Variants in RTL5 observed in about 807,000 individuals in gnomAD.
RTL5 encodes retrotransposon Gag like 5, also known as retrotransposon Gag-like protein 5.
A neutral mutation model predicts 7.7 loss-of-function variants in RTL5; 8 were observed. That is an observed-to-expected ratio of 1.04 (90% CI 0.61 to 1.88). RTL5 has a LOEUF of 1.88. RTL5 is among the 40% of genes most tolerant of loss of function. RTL5 has a pLI of 0.00. For synonymous variants in RTL5, 188 were observed against 191.8 expected, an observed-to-expected ratio of 0.98 and a Z score of 0.16; for missense variants, 457 against 472.7, an observed-to-expected ratio of 0.97 and a Z score of 0.31.
In RTL5 at chrX:72,129,927, TA is replaced by T; in HGVS notation, c.1613del (p.Leu538Ter). The T allele has an allele frequency of 8.3e-7, 1 of 1,211,256 alleles. No individual in the cohort carries two copies. The highest frequency in any genetic ancestry group is 1.1e-6 in the Non-Finnish European group (1 of 895,070). Reference sequence around the variant, plus strand: ...GGCGTCTTCGAACTTGGCGTTGTCCTAAACGACCTGTGCGGCGAATCAGTTG... The same window carrying T: ...GGCGTCTTCGAACTTGGCGTTGTCCTAACGACCTGTGCGGCGAATCAGTTG... On this transcript the variant is annotated frameshift_variant, in exon 1 of 1. Transcript: ENST00000609883. LOFTEE classifies it high-confidence loss of function.
exon 1 of RTL5, chrX:72,130,574 G>T (rs756761561): frequency 8.3e-7 from 1 of 1,211,063 alleles, no homozygotes; most frequent in South Asian, 1.8e-5. Context: ...ATGATATTTC[G>T]AACTCCAGGG....
exon 1 of RTL5, chrX:72,130,824 C>T (rs1569482952): frequency 8.3e-7 from 1 of 1,211,570 alleles, no homozygotes; most frequent in East Asian, 3.0e-5. Context: ...TGCGAATGGC[C>T]TTTTTAGCCA....
In RTL5 at chrX:72,130,867, C is replaced by A. The variant is rs770273179; in HGVS notation, c.674G>T (p.Arg225Leu). The A allele has an allele frequency of 1.4e-5, 17 of 1,211,724 alleles. No homozygotes were observed. Among genetic ancestry groups the A allele is most frequent in the South Asian group, 7.0e-5 (4 of 57,005 alleles). Residue 225 changes from arginine to leucine, a missense_variant, in exon 1 of 1, where the codon CGT becomes CTT. Transcript: ENST00000609883. ...GGGGATGGGGCCACAGAATTCCTTA[C>A]GGATTTCATCCAGGAAGCGCGGGAA... is the stretch of plus-strand genomic sequence containing the variant.
chrX:72,130,994 C>G, exon 1 of RTL5: 1 of 1,211,171 alleles, frequency 8.3e-7, no homozygotes, highest in Non-Finnish European at 1.1e-6. Flanking sequence ...TCGGCGCCCC[C>G]GGGGAAATGA....
exon 1 of RTL5, chrX:72,129,622 C>T (rs1344607921): frequency 4.7e-6 from 2 of 427,129 alleles, no homozygotes; most frequent in African/African-American, 5.0e-5. Context: ...ATTGCTGATC[C>T]CTCCTTTCCC....
At position 72,131,092 on chromosome X, in the gene RTL5, C is replaced by T. The variant is rs1569483006; in HGVS notation, c.449G>A (p.Arg150Gln). The change falls in exon 1 of 1, where the codon CGG becomes CAG. Residue 150 changes from arginine (R) to glutamine (Q), a missense_variant. Coordinates refer to ENST00000609883, the Ensembl canonical transcript of RTL5. ...TCCTGAAAAGGGCTCTATCTCAGGC[C>T]GCTCCAGCGGTGCCAGAGGGGGTTG... 1.7e-6 allele frequency: 2 copies of T among 1,205,835 alleles called. No homozygotes were observed. The highest frequency in any genetic ancestry group is 2.2e-6 in the Non-Finnish European group (2 of 893,649).
exon 1 of RTL5, chrX:72,128,804 T>C (rs1445305790): frequency 8.8e-6 from 1 of 113,035 alleles, no homozygotes; most frequent in Non-Finnish European, 1.9e-5. Flanking sequence ...ACTCCAAGGA[T>C]AGAAAGTGTC....
chrX:72,127,845 A>G (rs2042242791), exon 1 of RTL5: 1 of 112,902 alleles, frequency 8.9e-6, no homozygotes, highest in Admixed American at 9.3e-5. Flanking sequence ...ATGACTGCAC[A>G]GGTGGCAGCC....
chrX:72,131,266 G>A (rs756193136), exon 1 of RTL5: 7 of 1,195,372 alleles, frequency 5.9e-6, no homozygotes, highest in Admixed American at 4.5e-5. Context: ...CTCCGCGCGT[G>A]GGGGAGGCCG....
At chrX:72,130,529 T>C in exon 1 of RTL5, 1 of 1,211,296 alleles carries the variant, frequency 8.3e-7, no homozygotes, top group Non-Finnish European at 1.1e-6. Context: ...TCATCTTCAC[T>C]TTCTTCCTCA....
exon 1 of RTL5, chrX:72,129,681 T>C (rs945576261): frequency 9.0e-6 from 5 of 556,874 alleles, no homozygotes; most frequent in African/African-American, 4.6e-5. Context: ...GGTTGCAAGA[T>C]GGTCTGGAAT....
chrX:72,130,369 T>C, exon 1 of RTL5: 1 of 1,169,061 alleles, frequency 8.6e-7, no homozygotes, highest in Non-Finnish European at 1.2e-6. Context: ...CTCCTTCTCT[T>C]CCTTCTTCTT....
Position 72,130,385 on chromosome X carries a change from C to A in RTL5, c.1156G>T (p.Glu386Ter), listed in dbSNP as rs1416639811. 7.7e-6 allele frequency: 9 copies of A among 1,172,550 alleles called. No homozygotes were observed. The highest frequency in any genetic ancestry group is 1.0e-5 in the Non-Finnish European group (9 of 869,984). Reference sequence around the variant, plus strand: ...TCCTTCTCTTCCTTCTTCTTCATTTCTTCCTCCTTCTTCATCTCCTCCTCC... The same window carrying A: ...TCCTTCTCTTCCTTCTTCTTCATTTATTCCTCCTTCTTCATCTCCTCCTCC... The change falls in exon 1 of 1, where the codon GAA becomes TAA. Residue 386 changes from glutamate (E) to a stop codon, truncating the protein, a stop_gained. Transcript: ENST00000609883. LOFTEE classifies it low-confidence loss of function (END_TRUNC).
chrX:72,131,706 G>T, exon 1 of RTL5: 1 of 418,708 alleles, frequency 2.4e-6, no homozygotes, highest in Non-Finnish European at 3.7e-6. Flanking sequence ...AGCTCGGAGG[G>T]CGGCGCTCTG....
rs1027597241 is a variant in RTL5 at position 72,131,184 on chromosome X, G to A, written c.357C>T (p.Asp119=). The A allele has an allele frequency of 5.1e-6, 6 of 1,182,521 alleles. No individual in the cohort carries two copies. In the South Asian group the frequency reaches 5.5e-5, roughly 11 times the overall value. ...GGGGCGGGATGGGCAGCAGAGGGGG[G>A]TCAGCGGGCCCGTCGGGGGTGCTGC... is the stretch of plus-strand genomic sequence containing the variant. Residue 119 remains aspartate, a synonymous_variant, in exon 1 of 1, where the codon GAC becomes GAT. Transcript: ENST00000609883.
chrX:72,130,151 G>C (rs775454517), exon 1 of RTL5: 7 of 1,210,885 alleles, frequency 5.8e-6, no homozygotes, highest in Non-Finnish European at 7.8e-6. Flanking sequence ...AGCTCATCTA[G>C]GTCATCATCT....
At chrX:72,131,695 G>C in exon 1 of RTL5, 1 of 461,054 alleles carries the variant, frequency 2.2e-6, no homozygotes, top group Non-Finnish European at 3.3e-6. Context: ...CCACCGGGGC[G>C]AGCTCGGAGG....
At position 72,129,690 on chromosome X, in the gene RTL5, ATTCTGCAGGTCTTCTTCAGG is replaced by A. The variant is rs745320631; in HGVS notation, c.*121_*140del. ...GGTCACGGTTGCAAGATGGTCTGGA[ATTCTGCAGGTCTTCTTCAGG>A]TTCTGCAGGTCTGAAACTCCCTGAA... On this transcript the variant is annotated 3_prime_UTR_variant, in exon 1 of 1. Transcript: ENST00000609883. The A allele has an allele frequency of 8.3e-6, 5 of 604,044 alleles. No individual in the cohort carries two copies. In the South Asian group the frequency reaches 9.1e-5, roughly 11 times the overall value. 49.8% of individuals were successfully genotyped at this position (604,044 alleles called of 1,213,427 possible). A position where few individuals can be genotyped will look rare whatever the true frequency, so the allele number is the denominator to read the frequency against.
In RTL5 at chrX:72,129,877, G is replaced by A. The variant is rs776991863; in HGVS notation, c.1664C>T (p.Pro555Leu). ...AGCAGCTCGGTGGCCCCCCTGTCTC[G>A]GAGTGAGGCGGAAAAGCACAGGGGG... Residue 555 changes from proline to leucine, a missense_variant, in exon 1 of 1, where the codon CCG (proline) becomes CTG (leucine). Physicochemically the swap from Pro to Leu is moderately conservative, Grantham distance 98 (BLOSUM62 -3). Transcript: ENST00000609883. 33 of 1,204,538 alleles carry A rather than the reference G, an allele frequency of 2.7e-5. No individual in the cohort carries two copies. Among genetic ancestry groups the A allele is most frequent in the Non-Finnish European group, 3.7e-5 (33 of 892,123 alleles).
Sources: gnomAD v4.1 joint callset for allele counts on GRCh38, gnomAD v4.1.1 for gene constraint, MANE v1.5 for transcripts, NCBI Gene and HGNC (gene_info 2026-07-23, HGNC 2026-07-21) for gene names.